Variants in PFKFB2 observed in about 807,000 individuals in gnomAD.
PFKFB2 encodes 6-phosphofructo-2-kinase/fructose-2,6-bisphosphatase 2.
PFKFB2 carries 53 observed loss-of-function variants against 68.0 expected under a neutral mutation model. The observed-to-expected ratio is 0.78, with a 90% CI of 0.63 to 0.98. The LOEUF is 0.98. Ranked by LOEUF, PFKFB2 falls within the 50% of genes least tolerant of loss-of-function variation. PFKFB2 has a pLI of 0.00. For missense variants in PFKFB2, 451 were observed against 642.0 expected (o/e 0.70, Z 3.22); for synonymous variants, 222 against 227.6 (o/e 0.98, Z 0.22).
At chr1:207,040,923 ATTT>A (rs397862660) in intron 1 of PFKFB2, among the ~76,000 whole-genome samples, 45 of 117,346 alleles carry the variant, frequency 3.8e-4, no homozygotes, top group African/African-American at 1.3e-3. Flanking sequence ...TTTAAAACAG[ATTT>A]TTTTTTTTTT....
Position 207,070,512 on chromosome 1 carries a change from A to G in PFKFB2, c.1222+103A>G. 1 of 1,259,592 alleles carries G rather than the reference A, an allele frequency of 7.9e-7. No individual in the cohort carries two copies. The highest frequency in any genetic ancestry group is 1.1e-6 in the Non-Finnish European group (1 of 906,834). The allele number at this position is 1,259,592 out of a possible 1,614,324, so 78.0% of individuals were successfully genotyped here. ...AACAGACCTCCCTGTCTCCACTCAA[A>G]TTAGAGTACTTTCTCCAGACAGCAG... On this transcript the variant is annotated intron_variant, in intron 12 of 14. Coordinates refer to ENST00000367080, the MANE Select transcript of PFKFB2 (RefSeq NM_006212.2). The surrounding 1 kb of genome is among the most constrained non-coding windows in gnomAD (Gnocchi z 4.2).
intron 2 of PFKFB2, chr1:207,045,007 C>A (rs1251134225): frequency 6.6e-6 from 1 of 152,432 alleles, no homozygotes. Context: ...ACTTAATATT[C>A]TTTTTATGTG....
At chr1:207,057,185 C>T (rs1312909970) in intron 2 of PFKFB2, among the ~76,000 whole-genome samples, 3 of 151,540 alleles carry the variant, frequency 2.0e-5, no homozygotes, top group Non-Finnish European at 2.9e-5. Flanking sequence ...TGGTGGCTCA[C>T]GCCTGTAATC....
rs1030429148 is a variant in PFKFB2, at chr1:207,076,433, A to C, written c.*4062A>C. 2.0e-6 allele frequency: 2 copies of C among 985,302 alleles called. No individual in the cohort carries two copies. The highest frequency in any genetic ancestry group is 2.4e-6 in the Non-Finnish European group (2 of 829,858). 61.0% of individuals were successfully genotyped at this position (985,302 alleles called of 1,614,324 possible). On this transcript the variant is annotated 3_prime_UTR_variant, in exon 15 of 15. Transcript: ENST00000367080. The stretch of plus-strand genomic sequence containing the variant: ...AGAAGCCATGTTGTGTTCATTGTTA[A>C]GAAATTTGATAGATTTACCCAGCTT...
At chr1:207,071,466 T>C (rs1683463800) in intron 13 of PFKFB2, 43 bp from the exon 14 acceptor site, 1 of 1,526,236 alleles carries the variant, frequency 6.6e-7, no homozygotes. Context: ...AATTTTCCAT[T>C]GAACCTTTTT....
At chr1:207,045,537 G>GT (rs1275496065) in intron 2 of PFKFB2, 1 of 151,728 alleles carries the variant, frequency 6.6e-6, no homozygotes, top group African/African-American at 2.4e-5. Flanking sequence ...GCAAACAAAT[G>GT]TGTCTCCACA....
chr1:207,045,349 TCTA>T (rs1275932170), intron 2 of PFKFB2: 1 of 152,522 alleles, frequency 6.6e-6, no homozygotes, highest in Non-Finnish European at 1.5e-5. Flanking sequence ...GAAATTGAGT[TCTA>T]CTGTTATCAA....
At position 207,063,888 on chromosome 1, in the gene PFKFB2, G is replaced by GGT. The variant is rs57138984; in HGVS notation, c.507+86_507+87dup. ...ACCTTTTGTGCTGTGTGTGTTGTGG[G>GGT]GTGTGTGTGTGTGTGTGTGTGTGTG... On this transcript the variant is annotated intron_variant, in intron 7 of 14. Coordinates refer to ENST00000367080, the MANE Select transcript of PFKFB2 (RefSeq NM_006212.2). This position sits in a 1 kb window ranked among gnomAD's most constrained non-coding sequence, Gnocchi z 4.1. The GGT allele has an allele frequency of 0.044, 44,112 of 1,012,578 alleles. 467 individuals are homozygous for GGT. The highest frequency in any genetic ancestry group is 0.11 in the Admixed American group (6,269 of 55,812). 62.7% of individuals were successfully genotyped at this position (1,012,578 alleles called of 1,614,324 possible).
downstream of PFKFB2, chr1:207,079,862 AG>A (rs1382178031): frequency 2.0e-5 from 3 of 152,276 alleles, no homozygotes; most frequent in African/African-American, 7.2e-5. Flanking sequence ...CAGCCCGATC[AG>A]GGAGTGTTTT....
intron 2 of PFKFB2, among the ~76,000 whole-genome samples, chr1:207,056,086 C>T (rs1312981198): frequency 1.3e-5 from 2 of 152,084 alleles, no homozygotes; most frequent in Non-Finnish European, 2.9e-5. Flanking sequence ...CAGTTTACTC[C>T]TTTTAAAAGT....
At position 207,076,710 on chromosome 1, in the gene PFKFB2, C is replaced by G. The variant is rs12083861; in HGVS notation, c.*4339C>G. The G allele has an allele frequency of 1.3e-6, 1 of 798,666 alleles. No individual in the cohort carries two copies. The highest frequency in any genetic ancestry group is 2.0e-5 in the African/African-American group (1 of 50,496). 49.5% of individuals were successfully genotyped at this position (798,666 alleles called of 1,614,324 possible). On this transcript the variant is annotated 3_prime_UTR_variant, in exon 15 of 15. Transcript: ENST00000367080. The stretch of plus-strand genomic sequence containing the variant: ...TCTATATGTTGACCAACTGGTAGAC[C>G]AGGAGGATCTGTGTGCTGATTGACT...
At position 207,061,166 on chromosome 1, in the gene PFKFB2, TA is replaced by T. The variant is rs1683099048; in HGVS notation, c.86-786del. On this transcript the variant is annotated intron_variant, in intron 2 of 14. Coordinates refer to ENST00000367080, the MANE Select transcript of PFKFB2 (RefSeq NM_006212.2). ...CTTTATATATATTTATATATATCTT[TA>T]TATATATATATATATATATATATAT... 7.5e-4 allele frequency among the ~76,000 whole-genome samples: 8 copies of T among 10,668 alleles called. 2 individuals carry two copies. The highest frequency in any genetic ancestry group is 1.9e-3 in the East Asian group (1 of 532). The allele number at this position is 10,668 out of a possible 152,430, so 7.0% of individuals were successfully genotyped here. A position where few individuals can be genotyped will look rare whatever the true frequency, so the allele number is the denominator to read the frequency against.
chr1:207,058,589 A>AT (rs34671041), intron 2 of PFKFB2, among the ~76,000 whole-genome samples: 2 of 152,016 alleles, frequency 1.3e-5, no homozygotes, highest in African/African-American at 4.8e-5. Context: ...TCAAGTCCTC[A>AT]TTTTTTTTGT....
intron 1 of PFKFB2, among the ~76,000 whole-genome samples, chr1:207,041,989 C>T (rs1682486190): frequency 6.6e-6 from 1 of 152,176 alleles, no homozygotes; most frequent in African/African-American, 2.4e-5. Flanking sequence ...TGATAGCTTT[C>T]ATTTTCATTC....
chr1:207,065,906 G>A (rs1359146234), intron 8 of PFKFB2, among the ~76,000 whole-genome samples: 2 of 152,174 alleles, frequency 1.3e-5, no homozygotes, highest in Non-Finnish European at 2.9e-5. Context: ...GAGAATCACT[G>A]CTCCATATCT....
Position 207,076,895 on chromosome 1 carries a change from A to G in PFKFB2, c.*4524A>G. The G allele has an allele frequency of 1.0e-6, 1 of 984,220 alleles. No individual in the cohort carries two copies. The highest frequency in any genetic ancestry group is 4.7e-5 in the South Asian group (1 of 21,258). 61.0% of individuals were successfully genotyped at this position (984,220 alleles called of 1,614,324 possible). A position where few individuals can be genotyped will look rare whatever the true frequency, so the allele number is the denominator to read the frequency against. ...ATTGTATCCATTGAAGTGTATGTAC[A>G]TTATGGTAATTCTCTGTCTATTAAA... On this transcript the variant is annotated 3_prime_UTR_variant, in exon 15 of 15. Coordinates refer to ENST00000367080, the MANE Select transcript of PFKFB2 (RefSeq NM_006212.2).
At chr1:207,055,620 C>G (rs1682894900) in intron 2 of PFKFB2, among the ~76,000 whole-genome samples, 1 of 148,160 alleles carries the variant, frequency 6.7e-6, no homozygotes, top group African/African-American at 2.5e-5. Context: ...TCCTGTCAGT[C>G]AGTTCTTCTC....
chr1:207,074,570 C>T lies in PFKFB2; in HGVS notation c.*2199C>T. 1 of 985,400 alleles carries T rather than the reference C, an allele frequency of 1.0e-6. No individual in the cohort carries two copies. The highest frequency in any genetic ancestry group is 1.2e-6 in the Non-Finnish European group (1 of 829,930). 61.0% of individuals were successfully genotyped at this position (985,400 alleles called of 1,614,324 possible). A position where few individuals can be genotyped will look rare whatever the true frequency, so the allele number is the denominator to read the frequency against. ...GTCCCAAGTAGGATACCATAGGCAG[C>T]TTCTAAAGGCTGCTTACCTAGATTC... On this transcript the variant is annotated 3_prime_UTR_variant, in exon 15 of 15. Coordinates refer to ENST00000367080, the MANE Select transcript of PFKFB2 (RefSeq NM_006212.2).
chr1:207,065,345 A>T, intron 8 of PFKFB2, 185 bp downstream of exon 8: 1 of 980,802 alleles, frequency 1.0e-6, no homozygotes, highest in Non-Finnish European at 1.2e-6. Context: ...TGAAAAATTG[A>T]AGTGGTTGGT....
Sources: gnomAD v4.1 joint callset for allele counts (sites outside exome capture counted in the v4.1 genomes callset) on GRCh38, gnomAD v4.1.1 for gene constraint, Gnocchi (gnomAD v3.1) non-coding constraint, MANE v1.5 for transcripts, NCBI Gene and HGNC (gene_info 2026-07-23, HGNC 2026-07-21) for gene names.